CACNG5: variants seen among roughly 807,000 people sequenced by gnomAD.
CACNG5 encodes calcium voltage-gated channel auxiliary subunit gamma 5.
Under a neutral mutation model 24.8 loss-of-function variants are expected in CACNG5, and 18 were observed. The observed-to-expected ratio is 0.73, with a 90% CI of 0.50 to 1.08. CACNG5 has a LOEUF of 1.08. Among genes scored for constraint, CACNG5 ranks in the 50% least tolerant of loss-of-function variants. The probability of loss-of-function intolerance (pLI) is 0.00; values close to 1 mark genes in which losing one functional copy is unlikely to be tolerated. For missense variants in CACNG5, 349 were observed against 367.9 expected, an observed-to-expected ratio of 0.95 and a Z score of 0.42; for synonymous variants, 157 against 149.1, an observed-to-expected ratio of 1.05 and a Z score of -0.39.
chr17:66,881,980 A>G (rs183081003), intron 4 of CACNG5, among the ~76,000 whole-genome samples: 75 of 152,256 alleles, frequency 4.9e-4, no homozygotes, highest in Non-Finnish European at 9.3e-4. Context: ...GAAGACTTAG[A>G]TGGATTTTGA....
At chr17:66,863,326 G>A (rs748992577) in intron 1 of CACNG5, among the ~76,000 whole-genome samples, 22 of 148,450 alleles carry the variant, frequency 1.5e-4, no homozygotes, top group Non-Finnish European at 3.0e-4. Flanking sequence ...CCTTTTTTCC[G>A]TTTCACACTC....
intron 1 of CACNG5, among the ~76,000 whole-genome samples, chr17:66,874,000 C>T (rs780231932): frequency 8.0e-5 from 12 of 150,048 alleles, no homozygotes; most frequent in Non-Finnish European, 1.6e-4. Context: ...GGAATTATTG[C>T]TCCATGGACC....
In CACNG5 at chr17:66,891,134, T is replaced by G. The variant is rs938418923; in HGVS notation, c.*5894T>G. On this transcript the variant is annotated 3_prime_UTR_variant, in exon 6 of 6. Transcript: ENST00000533854. ...AGCTTCAGAGGGAAGAGAAGGGTGG[T>G]CTTTTTCTCTATGTTTTTCTAAGGA... Among the ~76,000 whole-genome samples, 1 of 152,036 alleles carries G rather than the reference T, an allele frequency of 6.6e-6. No homozygotes were observed. The highest frequency in any genetic ancestry group is 1.5e-5 in the Non-Finnish European group (1 of 68,014).
At position 66,861,869 on chromosome 17, in the gene CACNG5, C is replaced by T. The variant is rs114109942; in HGVS notation, c.-103-15361C>T. Among the ~76,000 whole-genome samples the T allele has an allele frequency of 7.8e-3, 1,185 of 152,328 alleles. 19 individuals are homozygous for T. Among genetic ancestry groups the T allele is most frequent in the African/African-American group, 0.027 (1,130 of 41,552 alleles). On this transcript the variant is annotated intron_variant, in intron 1 of 5. Coordinates refer to ENST00000533854, the MANE Select transcript of CACNG5 (RefSeq NM_145811.3). The stretch of plus-strand genomic sequence containing the variant: ...TTATGAAGTTTGCCACCCCCGTTGC[C>T]ACTATGTTTAAGTGGAATCTAAGGA...
intron 4 of CACNG5, among the ~76,000 whole-genome samples, chr17:66,883,859 C>T (rs1443653790): frequency 3.3e-5 from 5 of 152,286 alleles, no homozygotes; most frequent in East Asian, 3.9e-4. Context: ...CAGTGCCAGG[C>T]GCAGTGGCTC....
chr17:66,865,863 G>A (rs1244459622), intron 1 of CACNG5, among the ~76,000 whole-genome samples: 4 of 147,504 alleles, frequency 2.7e-5, no homozygotes, highest in East Asian at 4.0e-4. Flanking sequence ...GGATGGTCTC[G>A]ATCTCCTGAC....
rs181400884 is a variant in CACNG5, at chr17:66,877,057, G to T, written c.-103-173G>T. 2.7e-3 allele frequency among the ~76,000 whole-genome samples: 404 copies of T among 152,328 alleles called. 2 individuals carry two copies. The highest frequency in any genetic ancestry group is 3.1e-3 in the Non-Finnish European group (212 of 68,038). On this transcript the variant is annotated intron_variant, in intron 1 of 5. Transcript: ENST00000533854. The stretch of plus-strand genomic sequence containing the variant: ...GGGGACTCCCAGAGAGGACAAGGGG[G>T]TCCTTGCAGTGGCATGCCAAGAACG...
chr17:66,877,144 G>C (rs1977090981), intron 1 of CACNG5, 86 bp from the exon 2 acceptor site: 1 of 575,218 alleles, frequency 1.7e-6, no homozygotes, highest in Non-Finnish European at 3.1e-6. Flanking sequence ...CTGGTGTCCA[G>C]GGGGTTGCCT....
intron 1 of CACNG5, among the ~76,000 whole-genome samples, chr17:66,861,223 C>A (rs1354150744): frequency 6.6e-6 from 1 of 152,142 alleles, no homozygotes; most frequent in Non-Finnish European, 1.5e-5. Context: ...GAAATGACAT[C>A]AAGTGGTAAC....
intron 4 of CACNG5, among the ~76,000 whole-genome samples, chr17:66,883,930 C>T (rs113162403): frequency 0.084 from 12,768 of 152,088 alleles, 738 homozygotes; most frequent in Non-Finnish European, 0.11. Flanking sequence ...GTTAGGAGTT[C>T]GAGACCAACC....
chr17:66,866,794 T>C (rs894475276), intron 1 of CACNG5, among the ~76,000 whole-genome samples: 1 of 152,228 alleles, frequency 6.6e-6, no homozygotes, highest in African/African-American at 2.4e-5. Flanking sequence ...GCAAAGGACA[T>C]GATCTCATTC....
At chr17:66,845,368 G>A (rs998043113) in intron 1 of CACNG5, among the ~76,000 whole-genome samples, 1 of 151,882 alleles carries the variant, frequency 6.6e-6, no homozygotes, top group African/African-American at 2.4e-5. Context: ...TAGATGATGG[G>A]TTGATAGGTG....
chr17:66,847,144 G>T (rs1026547206), intron 1 of CACNG5, among the ~76,000 whole-genome samples: 2 of 152,146 alleles, frequency 1.3e-5, no homozygotes, highest in Non-Finnish European at 1.5e-5. Context: ...AGGCTTGAAG[G>T]AGCTCCATTC....
At chr17:66,862,109 G>T (rs1976869090) in intron 1 of CACNG5, among the ~76,000 whole-genome samples, 1 of 152,192 alleles carries the variant, frequency 6.6e-6, no homozygotes, top group South Asian at 2.1e-4. Context: ...GGTTGTATCT[G>T]CAGGGCATGG....
intron 1 of CACNG5, among the ~76,000 whole-genome samples, chr17:66,851,727 T>C (rs1349652439): frequency 1.3e-5 from 2 of 152,044 alleles, no homozygotes; most frequent in Non-Finnish European, 2.9e-5. Context: ...ACAAACAATA[T>C]TGGGAACGAG....
chr17:66,875,552 C>T (rs1450124010), intron 1 of CACNG5, among the ~76,000 whole-genome samples: 2 of 152,166 alleles, frequency 1.3e-5, no homozygotes, highest in Non-Finnish European at 2.9e-5. Flanking sequence ...TAAACTCTGC[C>T]ACTCTCCTCC....
rs768031948 is a variant in CACNG5, at chr17:66,892,837, A to G, written c.*7597A>G. Among the ~76,000 whole-genome samples the G allele has an allele frequency of 2.6e-5, 4 of 152,196 alleles. No homozygotes were observed. The highest frequency in any genetic ancestry group is 7.2e-5 in the African/African-American group (3 of 41,446). On this transcript the variant is annotated 3_prime_UTR_variant, in exon 6 of 6. Transcript: ENST00000533854. Reference sequence around the variant, plus strand: ...CATTTCTCAGTGTCCTAAATGATCAATTCTGGAGAGCATCCTACAAGGTCT... The same window carrying G: ...CATTTCTCAGTGTCCTAAATGATCAGTTCTGGAGAGCATCCTACAAGGTCT...
At chr17:66,856,088 G>A (rs1012308210) in intron 1 of CACNG5, among the ~76,000 whole-genome samples, 1 of 152,142 alleles carries the variant, frequency 6.6e-6, no homozygotes, top group Non-Finnish European at 1.5e-5. Context: ...TTGCAGAGAG[G>A]CATGTTGGTG....
intron 1 of CACNG5, among the ~76,000 whole-genome samples, chr17:66,839,834 G>A (rs964654100): frequency 6.6e-5 from 10 of 152,132 alleles, no homozygotes; most frequent in Non-Finnish European, 1.5e-4. Flanking sequence ...GCTGTTCCGC[G>A]CACGTGCACT....
Sources: gnomAD v4.1 joint callset for allele counts (sites outside exome capture counted in the v4.1 genomes callset) on GRCh38, gnomAD v4.1.1 for gene constraint, MANE v1.5 for transcripts, NCBI Gene and HGNC (gene_info 2026-07-23, HGNC 2026-07-21) for gene names.